The following CLSTN1 variants were observed in gnomAD, a reference collection of about 807,000 sequenced individuals.
CLSTN1 encodes the protein calsyntenin 1.
Under a neutral mutation model 108.3 loss-of-function variants are expected in CLSTN1, and 28 were observed. The ratio of observed to expected loss-of-function variants is 0.26; its 90% CI spans 0.19 to 0.35. The LOEUF (loss-of-function observed/expected upper bound fraction) is 0.35, where lower values mean the gene tolerates loss of function less well. Ranked by LOEUF, CLSTN1 falls within the 10% of genes least tolerant of loss-of-function variation. The probability of loss-of-function intolerance (pLI) is 1.00; values close to 1 mark genes in which losing one functional copy is unlikely to be tolerated. For missense variants in CLSTN1, 1,157 were observed against 1,302.6 expected, an observed-to-expected ratio of 0.89 and a Z score of 1.72; for synonymous variants, 524 against 534.9, an observed-to-expected ratio of 0.98 and a Z score of 0.28.
At chr1:9,750,069 T>TC (rs1651480814) in intron 5 of CLSTN1, 156 bp from the exon 6 acceptor site, 1 of 621,488 alleles carries the variant, frequency 1.6e-6, no homozygotes, top group Non-Finnish European at 2.8e-6. Flanking sequence ...CAACCTGTCC[T>TC]CCCTGAGCCC....
chr1:9,804,559 G>C (rs1654425431), intron 1 of CLSTN1, among the ~76,000 whole-genome samples: 1 of 152,018 alleles, frequency 6.6e-6, no homozygotes, highest in African/African-American at 2.4e-5. Context: ...AAGAAAGCAA[G>C]GAGTGGCAGG....
At chr1:9,818,093 A>C (rs1655047934) in intron 1 of CLSTN1, among the ~76,000 whole-genome samples, 1 of 150,198 alleles carries the variant, frequency 6.7e-6, no homozygotes, top group Admixed American at 6.7e-5. Context: ...CTGCAGCCTC[A>C]ACCTGCCAGG....
At chr1:9,807,189 A>C (rs930187380) in intron 1 of CLSTN1, among the ~76,000 whole-genome samples, 1 of 152,098 alleles carries the variant, frequency 6.6e-6, no homozygotes, top group African/African-American at 2.4e-5. Context: ...TAACGTTAAC[A>C]GCGCTTCCCA....
Position 9,743,976 on chromosome 1 carries a change from C to G in CLSTN1, c.1264G>C (p.Val422Leu). 6.2e-7 allele frequency: 1 copy of G among 1,614,150 alleles called. No individual in the cohort carries two copies. The highest frequency in any genetic ancestry group is 8.5e-7 in the Non-Finnish European group (1 of 1,180,012). ...AGGAAGATCAGCCGGCACCCGTGGA[C>G]ATAGAGGGAGTAGTGGTGCCGATTC... ...DMNRHHYSLY[V>L]HGCRLIFLFR... Residue 422 changes from valine to leucine, a missense_variant, in exon 9 of 19, where the codon GTC becomes CTC. Val to Leu is a conservative substitution (Grantham distance 32). Transcript: ENST00000377298.
At chr1:9,760,341 C>G (rs1436639040) in intron 2 of CLSTN1, among the ~76,000 whole-genome samples, 3 of 152,148 alleles carry the variant, frequency 2.0e-5, no homozygotes, top group Admixed American at 2.0e-4. Flanking sequence ...AAAACTCAGG[C>G]AGACCTGGGT....
Position 9,749,827 on chromosome 1 carries a change from T to C in CLSTN1, c.736A>G (p.Arg246Gly), listed in dbSNP as rs1570450173. The change falls in exon 6 of 19, where the codon AGA (arginine) becomes GGA (glycine). Residue 246 changes from arginine (R) to glycine (G), a missense_variant. Physicochemically the swap from Arg to Gly is moderately radical, Grantham distance 125 (BLOSUM62 -2). Transcript: ENST00000377298. ...TVTAYDCGKK[R>G]ATEDVLVKIS... ...TTCACCAAAACATCTTCTGTGGCTC[T>C]TTTCTTCCCACAGTCATAGGCAGTG... 6.2e-7 allele frequency: 1 copy of C among 1,614,150 alleles called. No homozygotes were observed. Among genetic ancestry groups the C allele is most frequent in the Non-Finnish European group, 8.5e-7 (1 of 1,179,972 alleles).
intron 1 of CLSTN1, among the ~76,000 whole-genome samples, chr1:9,814,174 C>A (rs1033918641): frequency 1.0e-4 from 15 of 149,708 alleles, no homozygotes; most frequent in African/African-American, 3.7e-4. Context: ...CTTTGGGAGG[C>A]TGAGGCAGGG....
At chr1:9,808,681 A>T (rs1654607656) in intron 1 of CLSTN1, among the ~76,000 whole-genome samples, 3 of 152,078 alleles carry the variant, frequency 2.0e-5, no homozygotes, top group Admixed American at 2.0e-4. Flanking sequence ...GACTGAGTGG[A>T]GAAATAACAC....
In CLSTN1 at chr1:9,734,196, G is replaced by C; in HGVS notation, c.2111-54C>G. Reference sequence around the variant, plus strand: ...AAGTAGGGGCAGTGGGGCCCAGCGTGGCGGGGCACACTGGATGCCCTGCCG... The same window carrying C: ...AAGTAGGGGCAGTGGGGCCCAGCGTCGCGGGGCACACTGGATGCCCTGCCG... On this transcript the variant is annotated intron_variant, in intron 14 of 18. Coordinates refer to ENST00000377298, the MANE Select transcript of CLSTN1 (RefSeq NM_001009566.3). The surrounding 1 kb of genome is among the most constrained non-coding windows in gnomAD (Gnocchi z 4.8). 1 of 1,574,772 alleles carries C rather than the reference G, an allele frequency of 6.4e-7. No individual in the cohort carries two copies.
rs931446522 is a variant in CLSTN1, at chr1:9,789,627, A to C, written c.92-16233T>G. Among the ~76,000 whole-genome samples, 4 of 151,512 alleles carry C rather than the reference A, an allele frequency of 2.6e-5. 1 individual carries two copies. The highest frequency in any genetic ancestry group is 1.3e-4 in the Admixed American group (2 of 14,962). ...TCTCAATACCGCATCATACATCTCT[A>C]AAAGATAACAACTCTTTTTAAAACT... On this transcript the variant is annotated intron_variant, in intron 1 of 18. Transcript: ENST00000377298.
Position 9,823,650 on chromosome 1 carries a change from G to A in CLSTN1, c.84C>T (p.Ala28=). 3 of 1,179,154 alleles carry A rather than the reference G, an allele frequency of 2.5e-6. No individual in the cohort carries two copies. The highest frequency in any genetic ancestry group is 3.1e-6 in the Non-Finnish European group (3 of 952,696). The allele number at this position is 1,179,154 out of a possible 1,614,324, so 73.0% of individuals were successfully genotyped here. Residue 28 remains alanine (A), a synonymous_variant, in exon 1 of 19, where the codon GCC becomes GCT. Transcript: ENST00000377298. The surrounding 1 kb of genome is among the most constrained non-coding windows in gnomAD (Gnocchi z 6.3). ...CCCAGCCCCGGGGCTTACCTCGCGC[G>A]GCCCAGACCCCGCCGCCGCACAGCA... is the stretch of plus-strand genomic sequence containing the variant. The part of the protein sequence containing the change: ...AGLLCGGGVW[A]ARVNKHKPWL...
chr1:9,749,675 A>G (rs2101106391), intron 6 of CLSTN1, 29 bp from the exon 7 acceptor site: 1 of 1,611,738 alleles, frequency 6.2e-7, no homozygotes, highest in Middle Eastern at 1.7e-4. Context: ...CAGCAGGGGA[A>G]GAGAGAAGGA....
At chr1:9,786,262 T>C (rs985081745) in intron 1 of CLSTN1, among the ~76,000 whole-genome samples, 53 of 152,284 alleles carry the variant, frequency 3.5e-4, no homozygotes, top group Non-Finnish European at 5.0e-4. Flanking sequence ...TTTTTAATAG[T>C]ACAGTGAAAC....
chr1:9,751,794 T>C (rs1243886592), intron 4 of CLSTN1, 113 bp from the exon 5 acceptor site: 1 of 828,784 alleles, frequency 1.2e-6, no homozygotes, highest in Non-Finnish European at 1.9e-6. Context: ...ATTTCCTGTT[T>C]CTGATACCTT....
At chr1:9,739,134 A>T (rs997278058) in intron 10 of CLSTN1, among the ~76,000 whole-genome samples, 1 of 152,178 alleles carries the variant, frequency 6.6e-6, no homozygotes, top group African/African-American at 2.4e-5. Context: ...GGATGGGAAA[A>T]ATTACATGCT....
In CLSTN1 at chr1:9,749,696, T is replaced by C. The variant is rs1301043984; in HGVS notation, c.800-50A>G. 7 of 1,611,076 alleles carry C rather than the reference T, an allele frequency of 4.3e-6. No homozygotes were observed. In the South Asian group the frequency reaches 7.7e-5, roughly 18 times the overall value. ...GGGAAGAGAGAAGGAAAACACACAC[T>C]CTAGGTTGCTGCCGCATACATCAGT... is the stretch of plus-strand genomic sequence containing the variant. On this transcript the variant is annotated intron_variant, in intron 6 of 18. Coordinates refer to ENST00000377298, the MANE Select transcript of CLSTN1 (RefSeq NM_001009566.3).
chr1:9,736,069 G>A (rs1650674304), intron 11 of CLSTN1, 27 bp from the exon 12 acceptor site: 2 of 1,613,804 alleles, frequency 1.2e-6, no homozygotes, highest in South Asian at 1.1e-5. Context: ...AAAAGGCGAA[G>A]TCAGGCGTGC....
intron 16 of CLSTN1, among the ~76,000 whole-genome samples, chr1:9,732,312 C>T (rs1160874006): frequency 6.6e-6 from 1 of 152,158 alleles, no homozygotes; most frequent in African/African-American, 2.4e-5. Context: ...AATCCTCCCA[C>T]CTCAGCCTCT....
chr1:9,741,026 C>T, intron 10 of CLSTN1, 68 bp downstream of exon 10: 21 of 1,530,472 alleles, frequency 1.4e-5, no homozygotes, highest in Non-Finnish European at 1.8e-5. Context: ...TCACAGCCTG[C>T]TGCCACCAAC....
Sources: allele counts gnomAD v4.1 joint callset (sites outside exome capture counted in the v4.1 genomes callset), GRCh38; gene constraint gnomAD v4.1.1; non-coding constraint Gnocchi (gnomAD v3.1); transcripts MANE v1.5; gene names NCBI Gene and HGNC (gene_info 2026-07-23, HGNC 2026-07-21).